The following ZNF366 variants were observed in gnomAD, a reference collection of about 807,000 sequenced individuals.
ZNF366 encodes the protein zinc finger protein 366, also known as dendritic cell-specific transcript protein.
ZNF366 carries 20 observed loss-of-function variants against 47.2 expected under a neutral mutation model. That is an observed-to-expected ratio of 0.42 (90% CI 0.30 to 0.62). ZNF366 has a LOEUF of 0.62. ZNF366 is among the 20% of genes least tolerant of loss of function. The pLI, the probability that ZNF366 is intolerant of heterozygous loss-of-function variation, is 0.16. For missense variants in ZNF366, 987 were observed against 976.3 expected, an observed-to-expected ratio of 1.01 and a Z score of -0.15; for synonymous variants, 421 against 395.1, an observed-to-expected ratio of 1.07 and a Z score of -0.78.
chr5:72,444,445 AACAG>A (rs1742921896), intron 4 of ZNF366, among the ~76,000 whole-genome samples, 154 bp from the exon 5 acceptor site: 1 of 152,246 alleles, frequency 6.6e-6, no homozygotes, highest in South Asian at 2.1e-4. Flanking sequence ...GGAGGCTTGT[AACAG>A]ACAGTGTCCA....
chr5:72,440,832 C>T lies in ZNF366; in HGVS notation c.*2924G>A, dbSNP rs1742842655. The T allele has an allele frequency of 6.6e-6, 1 of 152,218 alleles. No homozygotes were observed. The allele number at this position is 152,218 out of a possible 1,614,324, so 9.4% of individuals were successfully genotyped here. ...TTTAGCATTGGTGCTCAGGTTAATGCTGTATTAACCATCAGGTTAGATCTA... is the reference window on the plus strand; with the variant it reads ...TTTAGCATTGGTGCTCAGGTTAATGTTGTATTAACCATCAGGTTAGATCTA... On this transcript the variant is annotated 3_prime_UTR_variant, in exon 5 of 5. Coordinates refer to ENST00000318442, the MANE Select transcript of ZNF366 (RefSeq NM_152625.3).
rs144896913 is a variant in ZNF366 at position 72,506,845 on chromosome 5, C to T, written c.-15+406G>A. Among the ~76,000 whole-genome samples the T allele has an allele frequency of 1.1e-4, 17 of 152,252 alleles. No homozygotes were observed. In the East Asian group the frequency reaches 2.5e-3, roughly 22 times the overall value. On this transcript the variant is annotated intron_variant, in intron 1 of 4. Coordinates refer to ENST00000318442, the MANE Select transcript of ZNF366 (RefSeq NM_152625.3). ...GAGAAGGGCACCTCAATCCAGGTAA[C>T]GTATTAACAAAAACCCCAGAGCAAA...
intron 1 of ZNF366, among the ~76,000 whole-genome samples, chr5:72,499,900 G>A (rs998241487): frequency 1.3e-5 from 2 of 152,198 alleles, no homozygotes; most frequent in African/African-American, 4.8e-5. Context: ...CCAGGCTTCA[G>A]CAAACCAGAG....
chr5:72,471,187 G>A (rs1470808518), intron 1 of ZNF366, among the ~76,000 whole-genome samples: 2 of 152,288 alleles, frequency 1.3e-5, no homozygotes, highest in East Asian at 3.9e-4. Context: ...ATCCTCATGG[G>A]CAGATGGGTC....
Position 72,444,140 on chromosome 5 carries a change from G to A in ZNF366, c.1851C>T (p.His617=), listed in dbSNP as rs753670386. Reference sequence around the variant, plus strand: ...AGCAGTTATCCTCCTCTTCCTCCTCGTGGCAGTGGCTGCCCTGGGCACTCT... The same window carrying A: ...AGCAGTTATCCTCCTCTTCCTCCTCATGGCAGTGGCTGCCCTGGGCACTCT... The part of the protein sequence containing the change: ...DGESAQGSHC[H]EEEEEDNCYE... The change falls in exon 5 of 5, where the codon CAC becomes CAT. Residue 617 remains histidine (H), a synonymous_variant. Transcript: ENST00000318442. 7.3e-5 allele frequency: 118 copies of A among 1,613,620 alleles called. No individual in the cohort carries two copies. Among genetic ancestry groups the A allele is most frequent in the Middle Eastern group, 3.3e-4 (2 of 6,084 alleles).
chr5:72,450,827 G>A (rs1743054507), intron 3 of ZNF366, among the ~76,000 whole-genome samples: 1 of 152,182 alleles, frequency 6.6e-6, no homozygotes. Context: ...TTTTATGTCT[G>A]TGAAACTCAA....
intron 1 of ZNF366, among the ~76,000 whole-genome samples, chr5:72,471,204 C>A (rs993153630): frequency 6.6e-6 from 1 of 152,150 alleles, no homozygotes; most frequent in South Asian, 2.1e-4. Flanking sequence ...GGTCTGTGAC[C>A]CCACTGTTCA....
chr5:72,459,507 C>G (rs890429730), intron 2 of ZNF366, among the ~76,000 whole-genome samples: 18 of 152,150 alleles, frequency 1.2e-4, no homozygotes, highest in Non-Finnish European at 2.5e-4. Context: ...CCCTTGAAGA[C>G]CTGAGCACAG....
chr5:72,495,869 G>A (rs988689217), intron 1 of ZNF366, among the ~76,000 whole-genome samples: 1 of 152,036 alleles, frequency 6.6e-6, no homozygotes, highest in Non-Finnish European at 1.5e-5. Flanking sequence ...ACAGTTAAAT[G>A]TTTCCTTACA....
At chr5:72,454,924 C>T (rs1743148568) in intron 3 of ZNF366, among the ~76,000 whole-genome samples, 1 of 152,234 alleles carries the variant, frequency 6.6e-6, no homozygotes, top group Non-Finnish European at 1.5e-5. Flanking sequence ...GCATACAACA[C>T]AAGGTCCCAT....
At chr5:72,474,870 AT>A (rs983963728) in intron 1 of ZNF366, among the ~76,000 whole-genome samples, 1 of 152,218 alleles carries the variant, frequency 6.6e-6, no homozygotes, top group Non-Finnish European at 1.5e-5. Flanking sequence ...AGTCTGCCTT[AT>A]TGAATAATAA....
At chr5:72,504,557 ACT>A (rs2112360988) in intron 1 of ZNF366, among the ~76,000 whole-genome samples, 1 of 151,872 alleles carries the variant, frequency 6.6e-6, no homozygotes, top group South Asian at 2.1e-4. Context: ...TAAACTCTAC[ACT>A]CTTTTATTTT....
intron 3 of ZNF366, among the ~76,000 whole-genome samples, chr5:72,452,915 G>T (rs1238857016): frequency 6.6e-6 from 1 of 152,164 alleles, no homozygotes; most frequent in Non-Finnish European, 1.5e-5. Context: ...AGTGGCTTAA[G>T]TCTACAGGCG....
chr5:72,461,062 A>T lies in ZNF366; in HGVS notation c.435T>A (p.Phe145Leu). 6.2e-7 allele frequency: 1 copy of T among 1,614,110 alleles called. No individual in the cohort carries two copies. Among genetic ancestry groups the T allele is most frequent in the Non-Finnish European group, 8.5e-7 (1 of 1,180,030 alleles). The change falls in exon 2 of 5, where the codon TTT (phenylalanine) becomes TTA (leucine). Residue 145 changes from phenylalanine (F) to leucine (L), a missense_variant. This residue lies in a region of ZNF366 where 591 missense variants were observed against 560.9 expected (regional missense o/e 1.05). Coordinates refer to ENST00000318442, the MANE Select transcript of ZNF366 (RefSeq NM_152625.3). The part of the protein sequence containing the change: ...GFQFYRSLEH[F>L]GGKPVKQEPI... The stretch of plus-strand genomic sequence containing the variant: ...GTTCCTGCTTGACGGGCTTGCCCCC[A>T]AAGTGTTCCAGGCTGCGGTAGAATT...
At chr5:72,488,426 C>G (rs1329666967) in intron 1 of ZNF366, among the ~76,000 whole-genome samples, 1 of 152,076 alleles carries the variant, frequency 6.6e-6, no homozygotes, top group Non-Finnish European at 1.5e-5. Flanking sequence ...TTATGAACAT[C>G]CAACAGGCAG....
At chr5:72,488,493 G>C (rs1376668319) in intron 1 of ZNF366, among the ~76,000 whole-genome samples, 1 of 152,122 alleles carries the variant, frequency 6.6e-6, no homozygotes, top group Admixed American at 6.5e-5. Flanking sequence ...ACAAATAAAA[G>C]TAATAAGCAA....
intron 3 of ZNF366, among the ~76,000 whole-genome samples, chr5:72,454,767 C>G (rs185519003): frequency 6.6e-6 from 1 of 152,142 alleles, no homozygotes; most frequent in East Asian, 1.9e-4. Context: ...GACAGTAAAC[C>G]CTTTGCAAGA....
intron 1 of ZNF366, among the ~76,000 whole-genome samples, chr5:72,483,638 A>G (rs1282771609): frequency 2.0e-5 from 3 of 152,194 alleles, no homozygotes; most frequent in African/African-American, 7.2e-5. Context: ...GCTCTGGCAG[A>G]GTTTGGGGGC....
intron 2 of ZNF366, among the ~76,000 whole-genome samples, chr5:72,459,605 G>A (rs543688824): frequency 2.0e-5 from 3 of 152,318 alleles, no homozygotes; most frequent in South Asian, 4.2e-4. Context: ...AGCTAGGCAC[G>A]GGTCCAACGC....
Sources: gnomAD v4.1 joint callset for allele counts (sites outside exome capture counted in the v4.1 genomes callset) on GRCh38, gnomAD v4.1.1 for gene constraint, gnomAD v4.1.1 regional missense constraint, MANE v1.5 for transcripts, NCBI Gene and HGNC (gene_info 2026-07-23, HGNC 2026-07-21) for gene names.